The following CELF2 variants were observed in gnomAD, a reference collection of about 807,000 sequenced individuals.
CELF2 encodes the protein CUGBP Elav-like family member 2, also known as CUG triplet repeat RNA-binding protein 2.
In CELF2, 8 loss-of-function variants were observed where a neutral mutation model predicts 62.6. That is an observed-to-expected ratio of 0.13 (90% CI 0.07 to 0.23). CELF2 has a LOEUF of 0.23. Ranked by LOEUF, CELF2 falls within the 10% of genes least tolerant of loss-of-function variation. The pLI is 1.00. For synonymous variants in CELF2, 258 were observed against 250.0 expected, an observed-to-expected ratio of 1.03 and a Z score of -0.30; for missense variants, 333 against 671.0, an observed-to-expected ratio of 0.50 and a Z score of 5.56.
At chr10:11,160,364 A>G (rs1286619140) in intron 1 of CELF2, among the ~76,000 whole-genome samples, 1 of 152,198 alleles carries the variant, frequency 6.6e-6, no homozygotes, top group East Asian at 1.9e-4. Context: ...GGCCTCAAGC[A>G]CTGATGGGGC....
intron 1 of CELF2, among the ~76,000 whole-genome samples, chr10:10,907,479 C>G (rs1397947697): frequency 6.6e-6 from 1 of 152,116 alleles, no homozygotes; most frequent in Admixed American, 6.5e-5. Context: ...TTATAGCTAA[C>G]TGTAATTGCA....
At chr10:10,728,254 C>T in the CELF2 span, among the ~76,000 whole-genome samples, 5,329 of 148,040 alleles carry the variant, frequency 0.036, 143 homozygotes, top group Non-Finnish European at 0.052. Flanking sequence ...GCCTGACCAA[C>T]GTGGCAAAAC....
Position 11,177,724 on chromosome 10 carries a change from C to T in CELF2, c.271+12042C>T, listed in dbSNP as rs1245952772. ...AAAGTTAGGTTTTGTAATAAGGGAC[C>T]ATTTTGTCCTTTCTGTTCAGGATTC... On this transcript the variant is annotated intron_variant, in intron 2 of 12. Coordinates refer to ENST00000633077, the MANE Select transcript of CELF2 (RefSeq NM_001326342.2). This position sits in a 1 kb window ranked among gnomAD's most constrained non-coding sequence, Gnocchi z 4.8. 6.6e-6 allele frequency among the ~76,000 whole-genome samples: 1 copy of T among 152,140 alleles called. No individual in the cohort carries two copies. Among genetic ancestry groups the T allele is most frequent in the Non-Finnish European group, 1.5e-5 (1 of 68,012 alleles).
At chr10:10,961,133 G>A (rs572866989) in intron 2 of CELF2, among the ~76,000 whole-genome samples, 2 of 152,260 alleles carry the variant, frequency 1.3e-5, no homozygotes, top group African/African-American at 4.8e-5. Flanking sequence ...AAATTGGAAG[G>A]CATCTGTTGT....
intron 1 of CELF2, among the ~76,000 whole-genome samples, chr10:11,155,338 G>A (rs867165247): frequency 3.3e-5 from 5 of 151,494 alleles, no homozygotes; most frequent in Non-Finnish European, 7.4e-5. Flanking sequence ...TTTTCACCAC[G>A]AGGCTGCTTC....
At chr10:10,883,435 A>C (rs2061557831) in intron 1 of CELF2, among the ~76,000 whole-genome samples, 1 of 152,214 alleles carries the variant, frequency 6.6e-6, no homozygotes, top group South Asian at 2.1e-4. Context: ...GCTGCAATCC[A>C]ATGGCAGCTC....
intron 1 of CELF2, among the ~76,000 whole-genome samples, chr10:11,055,727 C>G (rs2065094472): frequency 1.3e-5 from 2 of 152,230 alleles, no homozygotes; most frequent in Non-Finnish European, 1.5e-5. Flanking sequence ...GCACGGCAGA[C>G]TATTCTGTAG....
At chr10:11,013,338 G>A (rs2056766802), upstream of CELF2, among the ~76,000 whole-genome samples, 1 of 152,194 alleles carries the variant, frequency 6.6e-6, no homozygotes, top group Admixed American at 6.5e-5. This position sits in a 1 kb window ranked among gnomAD's most constrained non-coding sequence, Gnocchi z 4.1. Context: ...AAAGGAAAGG[G>A]CAAGTTAGAG....
intron 1 of CELF2, among the ~76,000 whole-genome samples, chr10:11,076,596 T>C (rs1313686990): frequency 1.3e-5 from 2 of 152,202 alleles, no homozygotes; most frequent in Non-Finnish European, 2.9e-5. Context: ...CTGTTACCAG[T>C]GTAACATGTA....
the CELF2 span, among the ~76,000 whole-genome samples, chr10:10,649,203 T>C: frequency 6.6e-6 from 1 of 152,228 alleles, no homozygotes; most frequent in Admixed American, 6.5e-5. Flanking sequence ...AAAAATGGTA[T>C]GGCTTTTGTT....
intron 2 of CELF2, chr10:10,927,353 A>AAAAAAAAAAAAAAAAAC (rs1564832515): frequency 7.4e-5 from 10 of 135,666 alleles, no homozygotes; most frequent in African/African-American, 1.8e-4. Context: ...CATTAAAAAA[A>AAAAAAAAAAAAAAAAAC]AAAAAAAAAA....
chr10:11,132,573 C>T (rs1276109760), intron 1 of CELF2, among the ~76,000 whole-genome samples: 1 of 152,070 alleles, frequency 6.6e-6, no homozygotes, highest in Non-Finnish European at 1.5e-5. Context: ...CAAGACAGGG[C>T]CCAATGAAAT....
At chr10:10,847,257 G>A (rs2059075923) in intron 1 of CELF2, among the ~76,000 whole-genome samples, 1 of 151,930 alleles carries the variant, frequency 6.6e-6, no homozygotes, top group Admixed American at 6.6e-5. Context: ...GGATGAAATG[G>A]CCTACATTAG....
intron 2 of CELF2, among the ~76,000 whole-genome samples, chr10:10,955,158 C>G (rs1041271537): frequency 4.6e-5 from 7 of 152,238 alleles, no homozygotes; most frequent in Non-Finnish European, 8.8e-5. Flanking sequence ...ATGGTGTTCT[C>G]TCCATGTTAT....
rs1341733089 is a variant in CELF2, at chr10:10,906,706, CT to C, written c.54-13253del. 7.5e-5 allele frequency among the ~76,000 whole-genome samples: 10 copies of C among 133,630 alleles called. No homozygotes were observed. In the East Asian group the frequency reaches 1.6e-3, roughly 22 times the overall value. The allele number at this position is 133,630 out of a possible 152,430, so 87.7% of individuals were successfully genotyped here. A position where few individuals can be genotyped will look rare whatever the true frequency, so the allele number is the denominator to read the frequency against. ...CATACCAGAACATACCTTTCTTTTT[CT>C]TTTTCTTTTCTTTTTTTTTTTTTTT... On this transcript the variant is annotated intron_variant, in intron 1 of 13. Transcript: ENST00000636488.
intron 1 of CELF2, among the ~76,000 whole-genome samples, chr10:10,849,440 A>T (rs2059237967): frequency 6.6e-6 from 1 of 151,752 alleles, no homozygotes; most frequent in South Asian, 2.1e-4. Flanking sequence ...CTGTAAGAAC[A>T]ATACAAAGAA....
At chr10:11,273,230 A>G (rs1360207266) in intron 7 of CELF2, among the ~76,000 whole-genome samples, 1 of 152,080 alleles carries the variant, frequency 6.6e-6, no homozygotes, top group Non-Finnish European at 1.5e-5. Context: ...GCTGGGTACC[A>G]GTACCGGTCC....
chr10:10,485,371 A>G, the CELF2 span, among the ~76,000 whole-genome samples: 1 of 152,196 alleles, frequency 6.6e-6, no homozygotes, highest in East Asian at 1.9e-4. Context: ...ATCCTATGTT[A>G]GCCTTTTCCA....
At chr10:10,479,175 T>A in the CELF2 span, among the ~76,000 whole-genome samples, 3 of 152,276 alleles carry the variant, frequency 2.0e-5, no homozygotes, top group East Asian at 5.8e-4. Context: ...CTAATTTTTT[T>A]TGTTGTTTTT....
Sources: allele counts gnomAD v4.1 joint callset (sites outside exome capture counted in the v4.1 genomes callset), GRCh38; gene constraint gnomAD v4.1.1; non-coding constraint Gnocchi (gnomAD v3.1); transcripts MANE v1.5; gene names NCBI Gene and HGNC (gene_info 2026-07-23, HGNC 2026-07-21).